CSMD1: variants seen among roughly 807,000 people sequenced by gnomAD.
CSMD1 encodes CUB and sushi domain-containing protein 1.
A neutral mutation model predicts 417.5 loss-of-function variants in CSMD1; 213 were observed. The observed-to-expected ratio is 0.51, with a 90% CI of 0.46 to 0.57. CSMD1 has a LOEUF of 0.57. Among genes scored for constraint, CSMD1 ranks in the 20% least tolerant of loss-of-function variants. The pLI, the probability that CSMD1 is intolerant of heterozygous loss-of-function variation, is 0.00. For missense variants in CSMD1, 6,923 were observed against 4,529.7 expected, an observed-to-expected ratio of 1.53 and a Z score of -15.17; for synonymous variants, 2,862 against 1,736.8, an observed-to-expected ratio of 1.65 and a Z score of -16.11.
intron 36 of CSMD1, among the ~76,000 whole-genome samples, chr8:3,187,309 G>C (rs1796119940): frequency 6.6e-6 from 1 of 152,164 alleles, no homozygotes; most frequent in Non-Finnish European, 1.5e-5. Context: ...AATGACGCTC[G>C]AGGGCAATGG....
intron 1 of CSMD1, among the ~76,000 whole-genome samples, chr8:4,919,843 C>A (rs143011266): frequency 6.6e-6 from 1 of 152,140 alleles, no homozygotes; most frequent in Non-Finnish European, 1.5e-5. Context: ...TTTGCCCTTT[C>A]ACCTTCTTTC....
At position 3,060,869 on chromosome 8, in the gene CSMD1, C is replaced by T. The variant is rs116084376; in HGVS notation, c.7475-8222G>A. 2.9e-3 allele frequency among the ~76,000 whole-genome samples: 449 copies of T among 152,266 alleles called. 2 individuals are homozygous for T. The highest frequency in any genetic ancestry group is 0.014 in the Middle Eastern group (4 of 294). ...TCATGCCATTTTGTCCTCCTGCCTC[C>T]TGCCATGTGATGACACGGCATTCCT... On this transcript the variant is annotated intron_variant, in intron 49 of 69. Transcript: ENST00000635120.
intron 18 of CSMD1, among the ~76,000 whole-genome samples, chr8:3,378,302 T>G (rs185890839): frequency 6.6e-6 from 1 of 152,260 alleles, no homozygotes; most frequent in East Asian, 1.9e-4. Flanking sequence ...GGATTCACAG[T>G]CGAATTCTCC....
At chr8:4,896,440 G>C (rs1804487446) in intron 1 of CSMD1, among the ~76,000 whole-genome samples, 1 of 151,946 alleles carries the variant, frequency 6.6e-6, no homozygotes, top group Admixed American at 6.5e-5. Context: ...TTTTGTTATG[G>C]AGCATCTACC....
intron 6 of CSMD1, among the ~76,000 whole-genome samples, chr8:3,742,338 C>A (rs1796845978): frequency 6.6e-6 from 1 of 152,170 alleles, no homozygotes. Flanking sequence ...CCATAACTTA[C>A]ATTAACATTT....
At chr8:4,682,516 T>C (rs2130981690) in intron 1 of CSMD1, among the ~76,000 whole-genome samples, 1 of 152,272 alleles carries the variant, frequency 6.6e-6, no homozygotes, top group Non-Finnish European at 1.5e-5. Context: ...AGAATGTTTT[T>C]CATTAGCATC....
At chr8:3,056,676 A>C (rs1812249831) in intron 49 of CSMD1, among the ~76,000 whole-genome samples, 2 of 152,194 alleles carry the variant, frequency 1.3e-5, no homozygotes, top group South Asian at 4.1e-4. Context: ...GGCCAGCCTG[A>C]GGATTTCTGA....
At chr8:3,839,129 C>T (rs1802928414) in intron 5 of CSMD1, among the ~76,000 whole-genome samples, 1 of 126,144 alleles carries the variant, frequency 7.9e-6, no homozygotes, top group Non-Finnish European at 1.6e-5. Flanking sequence ...TGTATACTCT[C>T]TCTAGATATA....
At chr8:4,415,052 G>C (rs755538733) in intron 3 of CSMD1, among the ~76,000 whole-genome samples, 15 of 152,158 alleles carry the variant, frequency 9.9e-5, no homozygotes, top group Non-Finnish European at 2.2e-4. Context: ...TCATAGTCCA[G>C]TGAAAGTAAT....
At chr8:4,792,300 T>C (rs1797734632) in intron 1 of CSMD1, among the ~76,000 whole-genome samples, 1 of 152,172 alleles carries the variant, frequency 6.6e-6, no homozygotes, top group African/African-American at 2.4e-5. Flanking sequence ...AGGTGCATGG[T>C]CCCTAAGAGT....
At position 4,252,229 on chromosome 8, in the gene CSMD1, G is replaced by A. The variant is rs954864989; in HGVS notation, c.415+167724C>T. Among the ~76,000 whole-genome samples, 5 of 152,262 alleles carry A rather than the reference G, an allele frequency of 3.3e-5. No individual in the cohort carries two copies. The East Asian group carries it at 5.8e-4, about 18-fold the overall frequency. ...AAGACAAAGGTAAACAGGCATAGAC[G>A]TTTTCCTTTCCGTTCCTGGCTTCAG... On this transcript the variant is annotated intron_variant, in intron 3 of 69. Transcript: ENST00000635120.
At chr8:4,575,151 C>G (rs531139465) in intron 2 of CSMD1, among the ~76,000 whole-genome samples, 1 of 152,192 alleles carries the variant, frequency 6.6e-6, no homozygotes, top group Non-Finnish European at 1.5e-5. Context: ...TTTGCAGTCT[C>G]TATAGCACTG....
chr8:2,957,925 T>C (rs1803134664), intron 62 of CSMD1, 118 bp from the exon 63 acceptor site: 2 of 675,340 alleles, frequency 3.0e-6, no homozygotes, highest in East Asian at 5.5e-5. Flanking sequence ...CAGGTTAATG[T>C]CAAGCCACTG....
intron 3 of CSMD1, among the ~76,000 whole-genome samples, chr8:4,358,607 T>C (rs1045765405): frequency 2.6e-5 from 4 of 152,182 alleles, no homozygotes; most frequent in Admixed American, 1.3e-4. Context: ...AAAGTAATAG[T>C]CTAACAGGGT....
At chr8:4,335,513 C>T (rs1800114740) in intron 3 of CSMD1, among the ~76,000 whole-genome samples, 1 of 152,066 alleles carries the variant, frequency 6.6e-6, no homozygotes, top group African/African-American at 2.4e-5. Context: ...GAAGTCATCA[C>T]CTGCCATGTA....
At chr8:3,108,561 T>A in intron 44 of CSMD1, 42 bp downstream of exon 44, 1 of 1,603,890 alleles carries the variant, frequency 6.2e-7, no homozygotes, top group Non-Finnish European at 8.5e-7. Flanking sequence ...AAACACCACA[T>A]GGAATTCTCA....
chr8:3,951,405 G>A (rs2912292), intron 5 of CSMD1, among the ~76,000 whole-genome samples: 44,846 of 152,040 alleles, frequency 0.29, 6,925 homozygotes, highest in Middle Eastern at 0.34. Context: ...AAGGCATTTG[G>A]GGCAGAATGT....
chr8:3,446,849 G>C (rs80343186), intron 12 of CSMD1, among the ~76,000 whole-genome samples: 44 of 152,244 alleles, frequency 2.9e-4, no homozygotes, highest in African/African-American at 1.0e-3. Flanking sequence ...ACTTCTAGCT[G>C]GTTTCATTAG....
In CSMD1 at chr8:3,786,059, G is replaced by T. The variant is rs183381570; in HGVS notation, c.819-32017C>A. On this transcript the variant is annotated intron_variant, in intron 5 of 69. Transcript: ENST00000635120. ...GGACGGAAGAAGTGATGTTTGGGAGGTGAGAATGAGCAGGCCTCATTGAAA... is the reference window on the plus strand; with the variant it reads ...GGACGGAAGAAGTGATGTTTGGGAGTTGAGAATGAGCAGGCCTCATTGAAA... Among the ~76,000 whole-genome samples the T allele has an allele frequency of 2.6e-5, 4 of 152,218 alleles. No homozygotes were observed. The East Asian group carries it at 7.8e-4, about 30-fold the overall frequency.
Sources: gnomAD v4.1 joint callset for allele counts (sites outside exome capture counted in the v4.1 genomes callset) on GRCh38, gnomAD v4.1.1 for gene constraint, MANE v1.5 for transcripts, NCBI Gene and HGNC (gene_info 2026-07-23, HGNC 2026-07-21) for gene names.